The following USP3 variants were observed in gnomAD, a reference collection of about 807,000 sequenced individuals.
The protein encoded by USP3 is ubiquitin specific peptidase 3, also known as ubiquitin carboxyl-terminal hydrolase 3.
USP3 carries 20 observed loss-of-function variants against 72.3 expected under a neutral mutation model. The ratio of observed to expected loss-of-function variants is 0.28; its 90% CI spans 0.19 to 0.40. The LOEUF is 0.40. Ranked by LOEUF, USP3 falls within the 10% of genes least tolerant of loss-of-function variation. The pLI is 1.00. For missense variants in USP3, 479 were observed against 633.9 expected (o/e 0.76, Z 2.62); for synonymous variants, 222 against 225.3 (o/e 0.99, Z 0.13).
chr15:63,555,951 A>T (rs2066500700), intron 4 of USP3, among the ~76,000 whole-genome samples: 2 of 152,218 alleles, frequency 1.3e-5, no homozygotes, highest in African/African-American at 4.8e-5. Flanking sequence ...GTGTTGTTTA[A>T]CCATAATTTT....
intron 11 of USP3, among the ~76,000 whole-genome samples, chr15:63,576,357 C>A (rs2066863576): frequency 6.6e-6 from 1 of 152,194 alleles, no homozygotes; most frequent in Non-Finnish European, 1.5e-5. Context: ...GACTCAGAGA[C>A]ACTAGTTTGT....
rs937613644 is a variant in USP3 at position 63,570,066 on chromosome 15, A to G, written c.762-367A>G. Among the ~76,000 whole-genome samples the G allele has an allele frequency of 2.6e-5, 4 of 152,198 alleles. No individual in the cohort carries two copies. The highest frequency in any genetic ancestry group is 7.2e-5 in the African/African-American group (3 of 41,446). On this transcript the variant is annotated intron_variant, in intron 8 of 14. Coordinates refer to ENST00000380324, the MANE Select transcript of USP3 (RefSeq NM_006537.4). This position sits in a 1 kb window ranked among gnomAD's most constrained non-coding sequence, Gnocchi z 4.4. Reference sequence around the variant, plus strand: ...TAGAGAGGTTATGTGGGCAGGGAGAAGAGTCAGAGTCCACCAGGAAACAAA... The same window carrying G: ...TAGAGAGGTTATGTGGGCAGGGAGAGGAGTCAGAGTCCACCAGGAAACAAA...
rs1308423658 is a variant in USP3 at position 63,559,858 on chromosome 15, A to G, written c.535A>G (p.Asn179Asp). ...ATTTTTCCCTTCCTTTTAAAATAGT[A>G]ACATTGAGCAGTTTTGCTGTTATTT... Reference protein sequence around the residue: ...FMNAILQSLSNIEQFCCYFKE... With the variant: ...FMNAILQSLSDIEQFCCYFKE... The change falls in exon 7 of 15, where the codon AAC becomes GAC. Residue 179 changes from asparagine to aspartate, a missense_variant and splice_region_variant. Transcript: ENST00000380324. 6.2e-7 allele frequency: 1 copy of G among 1,610,552 alleles called. No individual in the cohort carries two copies. The highest frequency in any genetic ancestry group is 8.5e-7 in the Non-Finnish European group (1 of 1,178,660).
chr15:63,579,735 A>G (rs1469804628), intron 11 of USP3, among the ~76,000 whole-genome samples: 1 of 152,224 alleles, frequency 6.6e-6, no homozygotes. Flanking sequence ...TGGAAAAGAG[A>G]TGATAAACTT....
At position 63,528,906 on chromosome 15, in the gene USP3, T is replaced by C. The variant is rs1282628113; in HGVS notation, c.92-3741T>C. 4 of 792,862 alleles carry C rather than the reference T, an allele frequency of 5.0e-6. No homozygotes were observed. The highest frequency in any genetic ancestry group is 7.0e-6 in the Non-Finnish European group (4 of 574,960). The allele number at this position is 792,862 out of a possible 1,614,324, so 49.1% of individuals were successfully genotyped here. On this transcript the variant is annotated intron_variant, in intron 1 of 14. Coordinates refer to ENST00000380324, the MANE Select transcript of USP3 (RefSeq NM_006537.4). The surrounding 1 kb of genome is among the most constrained non-coding windows in gnomAD (Gnocchi z 4.3). ...ATATTTGTCCTGGGTACATTAAAGG[T>C]TCTTAATTTGGATGAAGCATGTATA...
intron 1 of USP3, among the ~76,000 whole-genome samples, chr15:63,520,050 C>T (rs1376491625): frequency 6.6e-6 from 1 of 152,114 alleles, no homozygotes; most frequent in South Asian, 2.1e-4. Context: ...TTGGAATTAG[C>T]CATTTCTCCA....
At chr15:63,536,746 C>G (rs951198498) in intron 2 of USP3, among the ~76,000 whole-genome samples, 3 of 150,998 alleles carry the variant, frequency 2.0e-5, no homozygotes, top group African/African-American at 7.3e-5. Flanking sequence ...CCCAGCTACT[C>G]GGGAGGCTGA....
intron 1 of USP3, chr15:63,532,381 A>G: frequency 1.9e-6 from 1 of 514,522 alleles, no homozygotes; most frequent in South Asian, 2.3e-5. Flanking sequence ...AATAAAGGAG[A>G]CAAGTGTATA....
intron 1 of USP3, among the ~76,000 whole-genome samples, chr15:63,513,304 AT>A (rs2065813903): frequency 6.6e-6 from 1 of 152,236 alleles, no homozygotes; most frequent in African/African-American, 2.4e-5. Flanking sequence ...TTAACTGATT[AT>A]AAGAAAGTAC....
intron 8 of USP3, among the ~76,000 whole-genome samples, chr15:63,564,129 T>G (rs1281760454): frequency 6.6e-6 from 1 of 152,202 alleles, no homozygotes; most frequent in African/African-American, 2.4e-5. Context: ...AGTAGACTCT[T>G]GATAGAAGTT....
At chr15:63,557,024 A>T in intron 5 of USP3, 1 of 221,582 alleles carries the variant, frequency 4.5e-6, no homozygotes, top group Non-Finnish European at 8.9e-6. Flanking sequence ...CTCCTTCGTC[A>T]TCAGAAAACC....
chr15:63,566,216 A>G (rs1417930325), intron 8 of USP3, among the ~76,000 whole-genome samples: 2 of 152,148 alleles, frequency 1.3e-5, no homozygotes, highest in African/African-American at 4.8e-5. Context: ...TCATTGGCAC[A>G]TAATTCTTAT....
At chr15:63,512,311 T>TTCTTCTTCC (rs1567088986) in intron 1 of USP3, among the ~76,000 whole-genome samples, 3 of 140,950 alleles carry the variant, frequency 2.1e-5, no homozygotes, top group Non-Finnish European at 4.6e-5. Context: ...CCTCCTCTTC[T>TTCTTCTTCC]TCTTCTTCCT....
chr15:63,545,042 G>A (rs1182039588), intron 3 of USP3, among the ~76,000 whole-genome samples: 1 of 149,578 alleles, frequency 6.7e-6, no homozygotes, highest in Non-Finnish European at 1.5e-5. Flanking sequence ...AAGGTTTTAG[G>A]CAAGGTTAAA....
intron 3 of USP3, among the ~76,000 whole-genome samples, chr15:63,546,919 C>G (rs567447657): frequency 6.6e-6 from 1 of 152,244 alleles, no homozygotes; most frequent in African/African-American, 2.4e-5. Context: ...ATCTGTTTGC[C>G]TTTTTAAACA....
rs1261894851 is a variant in USP3, at chr15:63,589,082, C to G, written c.1397+71C>G. On this transcript the variant is annotated intron_variant, in intron 14 of 14. Coordinates refer to ENST00000380324, the MANE Select transcript of USP3 (RefSeq NM_006537.4). ...CAGCCCAATGACCTGCAGTTTTGTA[C>G]CACTCTTGCTAGTTCTTCCTAAAAA... 3 of 1,537,152 alleles carry G rather than the reference C, an allele frequency of 2.0e-6. No homozygotes were observed. The African/African-American group carries it at 4.1e-5, about 21-fold the overall frequency.
chr15:63,556,863 G>A lies in USP3; in HGVS notation c.450+115G>A. On this transcript the variant is annotated intron_variant, in intron 5 of 14. Transcript: ENST00000380324. ...CAGACTTTTATAAATGTGTGTCTTG[G>A]ATTTGGAGTATTTTACACAATGTTT... The A allele has an allele frequency of 5.0e-6, 4 of 798,202 alleles. No individual in the cohort carries two copies. In the South Asian group the frequency reaches 5.7e-5, roughly 11 times the overall value. 49.4% of individuals were successfully genotyped at this position (798,202 alleles called of 1,614,324 possible).
chr15:63,562,922 A>T lies in USP3; in HGVS notation c.675A>T (p.Thr225=). 6.2e-7 allele frequency: 1 copy of T among 1,612,156 alleles called. No individual in the cohort carries two copies. The highest frequency in any genetic ancestry group is 8.5e-7 in the Non-Finnish European group (1 of 1,179,254). The change falls in exon 8 of 15, where the codon ACA becomes ACT. Residue 225 remains threonine (T), a synonymous_variant. Coordinates refer to ENST00000380324, the MANE Select transcript of USP3 (RefSeq NM_006537.4). ...NVSLVEEFRK[T]LCALWQGSQT... is the part of the protein sequence containing the mutation. ...CTTTGGTAGAAGAGTTTAGAAAGAC[A>T]CTCTGTGCTTTATGGCAAGGCAGCC...
At chr15:63,554,090 G>A (rs1294043995) in intron 4 of USP3, among the ~76,000 whole-genome samples, 1 of 151,872 alleles carries the variant, frequency 6.6e-6, no homozygotes, top group African/African-American at 2.4e-5. Context: ...TTATTTTGAG[G>A]GTACAAGAAA....
Sources: gnomAD v4.1 joint callset for allele counts (sites outside exome capture counted in the v4.1 genomes callset) on GRCh38, gnomAD v4.1.1 for gene constraint, Gnocchi (gnomAD v3.1) non-coding constraint, MANE v1.5 for transcripts, NCBI Gene and HGNC (gene_info 2026-07-23, HGNC 2026-07-21) for gene names.